CACNA1D: variants seen among roughly 807,000 people sequenced by gnomAD.
CACNA1D encodes the protein voltage-dependent L-type calcium channel subunit alpha-1D.
CACNA1D carries 55 observed loss-of-function variants against 257.1 expected under a neutral mutation model. The ratio of observed to expected loss-of-function variants is 0.21; its 90% CI spans 0.17 to 0.27. The LOEUF (loss-of-function observed/expected upper bound fraction) is 0.27, where lower values mean the gene tolerates loss of function less well. Among genes scored for constraint, CACNA1D ranks in the 10% least tolerant of loss-of-function variants. CACNA1D has a pLI of 1.00. For synonymous variants in CACNA1D, 980 were observed against 1,014.9 expected (o/e 0.97, Z 0.65); for missense variants, 1,876 against 2,784.0 (o/e 0.67, Z 7.34).
At chr3:53,734,204 G>T (rs1030897169) in intron 19 of CACNA1D, among the ~76,000 whole-genome samples, 2 of 151,152 alleles carry the variant, frequency 1.3e-5, no homozygotes, top group African/African-American at 2.4e-5. Context: ...GACTTGAAGT[G>T]AGGGGTCGCC....
chr3:53,554,088 T>C (rs1310530201), intron 3 of CACNA1D, among the ~76,000 whole-genome samples: 2 of 151,192 alleles, frequency 1.3e-5, no homozygotes, highest in East Asian at 3.9e-4. Flanking sequence ...CCCAGCTACT[T>C]GGGAGGCTGA....
At chr3:53,717,900 G>A (rs1357726951) in intron 9 of CACNA1D, among the ~76,000 whole-genome samples, 1 of 152,156 alleles carries the variant, frequency 6.6e-6, no homozygotes, top group Non-Finnish European at 1.5e-5. Context: ...ATTCACAGAT[G>A]TTCTATATGC....
chr3:53,767,638 C>T (rs923470745), intron 30 of CACNA1D, among the ~76,000 whole-genome samples: 6 of 150,162 alleles, frequency 4.0e-5, no homozygotes, highest in Non-Finnish European at 7.4e-5. Flanking sequence ...AGTAAGAATC[C>T]CTGGGGTGGG....
intron 3 of CACNA1D, among the ~76,000 whole-genome samples, chr3:53,649,889 G>T (rs1359269611): frequency 6.6e-6 from 1 of 152,198 alleles, no homozygotes; most frequent in African/African-American, 2.4e-5. Context: ...GCTGTATAAA[G>T]AAAACATTTG....
chr3:53,590,374 ATACTTAGGATTGTCACTTACTGTTT>A (rs1436247078), intron 3 of CACNA1D, among the ~76,000 whole-genome samples: 1 of 152,222 alleles, frequency 6.6e-6, no homozygotes. Flanking sequence ...CGTCCAGCCT[ATACTTAGGATTGTCACTTACTGTTT>A]GTGTGCTTAT....
At chr3:53,754,228 A>G (rs1333409245) in intron 29 of CACNA1D, among the ~76,000 whole-genome samples, 1 of 152,228 alleles carries the variant, frequency 6.6e-6, no homozygotes, top group Admixed American at 6.5e-5. Flanking sequence ...TGACTTTAAC[A>G]CAAAATGAGA....
intron 8 of CACNA1D, among the ~76,000 whole-genome samples, chr3:53,691,819 ATT>A (rs1339103237): frequency 1.0e-5 from 1 of 95,280 alleles, no homozygotes; most frequent in Non-Finnish European, 2.0e-5. Flanking sequence ...TATATTATAT[ATT>A]ATATCTATAA....
Position 53,793,659 on chromosome 3 carries a change from T to C in CACNA1D, c.4924-6590T>C, listed in dbSNP as rs2095494917. Among the ~76,000 whole-genome samples the C allele has an allele frequency of 6.6e-6, 1 of 152,228 alleles. No individual in the cohort carries two copies. The highest frequency in any genetic ancestry group is 1.9e-4 in the East Asian group (1 of 5,202). On this transcript the variant is annotated intron_variant, in intron 40 of 47. Transcript: ENST00000350061. This position sits in a 1 kb window ranked among gnomAD's most constrained non-coding sequence, Gnocchi z 4.1. ...AGTCTTCTCCACTTGGGCCTGGCTG[T>C]GTTGCTGGGGAATGGCATTGGCTAA...
chr3:53,751,819 A>G lies in CACNA1D; in HGVS notation c.3587A>G (p.Tyr1196Cys), dbSNP rs1262430443. 1 of 1,614,084 alleles carries G rather than the reference A, an allele frequency of 6.2e-7. No homozygotes were observed. Among genetic ancestry groups the G allele is most frequent in the Non-Finnish European group, 8.5e-7 (1 of 1,179,968 alleles). ...RRYIPKNPYQ[Y>C]KFWYVVNSSP... ...TACATCCCCAAAAACCCCTACCAGT[A>G]CAAGTTCTGGTACGTGGTGAACTCT... Residue 1196 changes from tyrosine (Y) to cysteine (C), a missense_variant, in exon 28 of 48, where the codon TAC (tyrosine) becomes TGC (cysteine). Physicochemically the swap from Tyr to Cys is radical, Grantham distance 194. Transcript: ENST00000350061. This position sits in a 1 kb window ranked among gnomAD's most constrained non-coding sequence, Gnocchi z 4.3.
chr3:53,572,357 G>GGTTT (rs58548804), intron 3 of CACNA1D, among the ~76,000 whole-genome samples: 37 of 144,758 alleles, frequency 2.6e-4, no homozygotes, highest in African/African-American at 5.5e-4. Flanking sequence ...CTCTGCCTCT[G>GGTTT]GTTTGTTTGT....
intron 3 of CACNA1D, among the ~76,000 whole-genome samples, chr3:53,642,197 C>T (rs1322737881): frequency 1.3e-5 from 2 of 152,198 alleles, no homozygotes. Flanking sequence ...CTGACTGGCA[C>T]ACTTTCTCTT....
intron 3 of CACNA1D, among the ~76,000 whole-genome samples, chr3:53,539,318 C>T (rs959938870): frequency 1.3e-5 from 2 of 152,094 alleles, no homozygotes; most frequent in African/African-American, 2.4e-5. Flanking sequence ...CCATGTTAGC[C>T]AGGCTGGCCT....
rs984995361 is a variant in CACNA1D at position 53,789,841 on chromosome 3, G to A, written c.4923+2889G>A. On this transcript the variant is annotated intron_variant, in intron 40 of 47. Coordinates refer to ENST00000350061, the MANE Select transcript of CACNA1D (RefSeq NM_001128840.3). The surrounding 1 kb of genome is among the most constrained non-coding windows in gnomAD (Gnocchi z 4.2). Reference sequence around the variant, plus strand: ...TTTCAAGGACACATATACGCACTGTGGTTTTGAACCCTGTGGGCTCCATCT... The same window carrying A: ...TTTCAAGGACACATATACGCACTGTAGTTTTGAACCCTGTGGGCTCCATCT... Among the ~76,000 whole-genome samples the A allele has an allele frequency of 1.3e-5, 2 of 152,220 alleles. No individual in the cohort carries two copies. The highest frequency in any genetic ancestry group is 2.9e-5 in the Non-Finnish European group (2 of 68,032).
At chr3:53,756,680 C>T (rs1559633088) in intron 29 of CACNA1D, among the ~76,000 whole-genome samples, 1 of 152,208 alleles carries the variant, frequency 6.6e-6, no homozygotes, top group Non-Finnish European at 1.5e-5. Flanking sequence ...CCAAGCCTTT[C>T]CCTCCAGCTG....
rs551048834 is a variant in CACNA1D, at chr3:53,646,645, A to G, written c.484-4134A>G. Among the ~76,000 whole-genome samples, 46 of 152,342 alleles carry G rather than the reference A, an allele frequency of 3.0e-4. No homozygotes were observed. The South Asian group carries it at 8.5e-3, about 28-fold the overall frequency. On this transcript the variant is annotated intron_variant, in intron 3 of 47. Transcript: ENST00000350061. ...GGGAGAGGGGGACTTCTGGCAGAGTATAAGCCAGAAAGCCTTCCCAAAGCC... is the reference window on the plus strand; with the variant it reads ...GGGAGAGGGGGACTTCTGGCAGAGTGTAAGCCAGAAAGCCTTCCCAAAGCC...
At chr3:53,618,948 A>C (rs950315239) in intron 3 of CACNA1D, among the ~76,000 whole-genome samples, 5 of 152,136 alleles carry the variant, frequency 3.3e-5, no homozygotes, top group African/African-American at 1.2e-4. Context: ...CTTAGGTCCT[A>C]GGGTTTTGTG....
chr3:53,690,545 C>T (rs1054017266), intron 8 of CACNA1D, among the ~76,000 whole-genome samples: 1 of 152,208 alleles, frequency 6.6e-6, no homozygotes, highest in Non-Finnish European at 1.5e-5. Context: ...TCTGGGTGCT[C>T]TGGGAAGGTA....
chr3:53,572,220 C>T (rs1575921924), intron 3 of CACNA1D, among the ~76,000 whole-genome samples: 1 of 152,168 alleles, frequency 6.6e-6, no homozygotes, highest in African/African-American at 2.4e-5. Context: ...TGGCCACTCC[C>T]AGCCCTTCCA....
At chr3:53,505,254 G>A (rs898602781) in intron 3 of CACNA1D, among the ~76,000 whole-genome samples, 2 of 151,256 alleles carry the variant, frequency 1.3e-5, no homozygotes, top group Non-Finnish European at 2.9e-5. Context: ...GACTACAGAC[G>A]AGCGCCAACA....
Sources: allele counts gnomAD v4.1 joint callset (sites outside exome capture counted in the v4.1 genomes callset), GRCh38; gene constraint gnomAD v4.1.1; non-coding constraint Gnocchi (gnomAD v3.1); transcripts MANE v1.5; gene names NCBI Gene and HGNC (gene_info 2026-07-23, HGNC 2026-07-21).